The following SLC9C2 variants were observed in gnomAD, a reference collection of about 807,000 sequenced individuals.
SLC9C2 encodes the protein solute carrier family 9 member C2 (putative), also known as sodium/hydrogen exchanger 11.
In SLC9C2, 75 loss-of-function variants were observed where a neutral mutation model predicts 140.2. That is an observed-to-expected ratio of 0.53 (90% confidence interval 0.44 to 0.65). The LOEUF is 0.65. Among genes scored for constraint, SLC9C2 ranks in the 30% least tolerant of loss-of-function variants. The pLI is 0.00. For synonymous variants in SLC9C2, 375 were observed against 420.9 expected, an observed-to-expected ratio of 0.89 and a Z score of 1.34; for missense variants, 1,074 against 1,331.8, an observed-to-expected ratio of 0.81 and a Z score of 3.01.
At chr1:173,510,553 TCAA>T (rs1558013641) in intron 23 of SLC9C2, among the ~76,000 whole-genome samples, 1 of 152,212 alleles carries the variant, frequency 6.6e-6, no homozygotes, top group Non-Finnish European at 1.5e-5. Flanking sequence ...TTCTCATTGT[TCAA>T]CTCCCACTTA....
intron 26 of SLC9C2, among the ~76,000 whole-genome samples, chr1:173,503,699 T>G (rs1571412883): frequency 3.3e-5 from 5 of 152,294 alleles, no homozygotes; most frequent in African/African-American, 1.2e-4. Context: ...TGGCAGACCT[T>G]ATTTTTTCAT....
At chr1:173,585,982 T>G (rs1172943658) in intron 5 of SLC9C2, among the ~76,000 whole-genome samples, 1 of 148,718 alleles carries the variant, frequency 6.7e-6, no homozygotes, top group Admixed American at 6.7e-5. Context: ...AATAAAAAAA[T>G]AAAAAAAAAG....
At chr1:173,551,443 T>C (rs952284961) in intron 11 of SLC9C2, among the ~76,000 whole-genome samples, 4 of 152,204 alleles carry the variant, frequency 2.6e-5, no homozygotes, top group Non-Finnish European at 5.9e-5. Flanking sequence ...TTTGCAGATA[T>C]TACAGTTCTT....
chr1:173,526,681 C>G lies in SLC9C2; in HGVS notation c.2347G>C (p.Asp783His). The change falls in exon 19 of 28, where the codon GAT becomes CAT. Residue 783 changes from aspartate (D) to histidine (H), a missense_variant. Physicochemically the swap from Asp to His is moderately conservative, Grantham distance 81. Transcript: ENST00000367714. Reference protein sequence around the residue: ...LCEILETNKQDAVKELVLMEH... With the variant: ...LCEILETNKQHAVKELVLMEH... Reference sequence around the variant, plus strand: ...TACCTACCTAATTCTTTGACAGCATCCTGTTTGTTGGTTTCCAAAATTTCA... The same window carrying G: ...TACCTACCTAATTCTTTGACAGCATGCTGTTTGTTGGTTTCCAAAATTTCA... The G allele has an allele frequency of 1.3e-6, 2 of 1,595,684 alleles. No individual in the cohort carries two copies. The highest frequency in any genetic ancestry group is 1.7e-6 in the Non-Finnish European group (2 of 1,175,382).
In SLC9C2 at chr1:173,595,496, G is replaced by A. The variant is rs113954913; in HGVS notation, c.357+2408C>T. Among the ~76,000 whole-genome samples the A allele has an allele frequency of 3.8e-3, 577 of 152,148 alleles. 3 individuals are homozygous for A. The highest frequency in any genetic ancestry group is 0.011 in the African/African-American group (469 of 41,524). On this transcript the variant is annotated intron_variant, in intron 4 of 27. Transcript: ENST00000367714. ...CTTCTTAGGGTACCAAAGTTGTTAG[G>A]GATGCTTGGAAATATGATATTTTAC...
chr1:173,565,309 AAT>A (rs764369304), intron 9 of SLC9C2, among the ~76,000 whole-genome samples: 1 of 152,166 alleles, frequency 6.6e-6, no homozygotes, highest in Non-Finnish European at 1.5e-5. Context: ...GGGTTTCCCC[AAT>A]GTTTTCTTGC....
Position 173,517,618 on chromosome 1 carries a change from A to C in SLC9C2, c.2826T>G (p.Thr942=), listed in dbSNP as rs1297311784. The C allele has an allele frequency of 9.3e-6, 15 of 1,613,842 alleles. No homozygotes were observed. Among genetic ancestry groups the C allele is most frequent in the Non-Finnish European group, 1.2e-5 (14 of 1,179,870 alleles). Residue 942 remains threonine (T), a synonymous_variant, in exon 23 of 28, where the codon ACT becomes ACG. Coordinates refer to ENST00000367714, the MANE Select transcript of SLC9C2 (RefSeq NM_178527.4). ...TTAGCTCTCCAATTATGTCCCCAGTAGTACAGAACTCTGTAAACATGTCTC... is the reference window on the plus strand; with the variant it reads ...TTAGCTCTCCAATTATGTCCCCAGTCGTACAGAACTCTGTAAACATGTCTC... ...GSRDMFTEFC[T]TGDIIGELSC... is the part of the protein sequence containing the mutation.
intron 9 of SLC9C2, among the ~76,000 whole-genome samples, chr1:173,563,355 T>A (rs1312155824): frequency 1.3e-5 from 2 of 152,122 alleles, no homozygotes; most frequent in Non-Finnish European, 2.9e-5. Flanking sequence ...TTAAAAATGT[T>A]TTAGCCACTC....
chr1:173,546,659 T>G (rs1381523099), intron 13 of SLC9C2, among the ~76,000 whole-genome samples: 1 of 152,154 alleles, frequency 6.6e-6, no homozygotes, highest in Non-Finnish European at 1.5e-5. Context: ...GAAATTTATA[T>G]GTTAACAGAG....
chr1:173,600,321 T>C, intron 2 of SLC9C2, 104 bp from the exon 3 acceptor site: 1 of 546,486 alleles, frequency 1.8e-6, no homozygotes, highest in South Asian at 4.4e-5. Context: ...ACCTTCTGTA[T>C]TCAATTAATA....
intron 13 of SLC9C2, among the ~76,000 whole-genome samples, chr1:173,541,532 C>G (rs1279763767): frequency 6.6e-6 from 1 of 152,160 alleles, no homozygotes; most frequent in East Asian, 1.9e-4. Context: ...ACAGAACTCT[C>G]CACCCCAAAT....
chr1:173,514,852 G>A (rs192984240), intron 23 of SLC9C2, among the ~76,000 whole-genome samples: 5 of 152,250 alleles, frequency 3.3e-5, no homozygotes, highest in Admixed American at 3.3e-4. Flanking sequence ...GCCTGGTGGT[G>A]ACAAAATCCC....
At chr1:173,503,190 G>T in intron 27 of SLC9C2, 76 bp downstream of exon 27, 2 of 1,247,034 alleles carry the variant, frequency 1.6e-6, no homozygotes, top group Admixed American at 2.1e-5. Flanking sequence ...TTGCTATTTT[G>T]CCTCAATTTA....
chr1:173,565,841 C>T (rs544977337), intron 9 of SLC9C2, among the ~76,000 whole-genome samples: 9 of 152,110 alleles, frequency 5.9e-5, no homozygotes, highest in Admixed American at 6.5e-5. Context: ...AATTCATGAA[C>T]GTGGAATGTC....
chr1:173,572,302 C>T (rs188717066), intron 9 of SLC9C2, among the ~76,000 whole-genome samples: 1 of 152,286 alleles, frequency 6.6e-6, no homozygotes, highest in African/African-American at 2.4e-5. Flanking sequence ...CAGGTAGGCA[C>T]CAATTTAGGC....
intron 11 of SLC9C2, among the ~76,000 whole-genome samples, chr1:173,553,768 T>C (rs1351215829): frequency 6.6e-6 from 1 of 152,240 alleles, no homozygotes. Flanking sequence ...ATTATTTGCT[T>C]TGTCACGTGG....
At chr1:173,553,332 CA>C (rs772399721) in intron 11 of SLC9C2, among the ~76,000 whole-genome samples, 4 of 152,184 alleles carry the variant, frequency 2.6e-5, no homozygotes, top group Non-Finnish European at 4.4e-5. Context: ...AAAGTAGTGG[CA>C]ACAGGTTTTG....
rs374700123 is a variant in SLC9C2, at chr1:173,583,543, A to G, written c.603T>C (p.Asn201=). The change falls in exon 6 of 28, where the codon AAT becomes AAC. Residue 201 remains asparagine (N), a synonymous_variant. Transcript: ENST00000367714. ...AAAAGTGGATTCTGTTGCCCCGAAA[A>G]TTTCCAAAAAAAATTGATGCGATGC... ...ICSIASIFFG[N]FRGNRIHFSI... 63 of 1,611,472 alleles carry G rather than the reference A, an allele frequency of 3.9e-5. No individual in the cohort carries two copies. Among genetic ancestry groups the G allele is most frequent in the Non-Finnish European group, 5.2e-5 (61 of 1,178,794 alleles).
chr1:173,529,246 G>A (rs954299357), intron 18 of SLC9C2, among the ~76,000 whole-genome samples: 1 of 152,042 alleles, frequency 6.6e-6, no homozygotes, highest in African/African-American at 2.4e-5. Context: ...TAAAGAATGC[G>A]AGTCTCCTCT....
Sources: allele counts gnomAD v4.1 joint callset (sites outside exome capture counted in the v4.1 genomes callset), GRCh38; gene constraint gnomAD v4.1.1; transcripts MANE v1.5; gene names NCBI Gene and HGNC (gene_info 2026-07-23, HGNC 2026-07-21).